The following PPP1R12A variants were observed in gnomAD, a reference collection of about 807,000 sequenced individuals.
PPP1R12A encodes the protein protein phosphatase 1 regulatory subunit 12A, also known as myosin binding subunit.
In PPP1R12A, 19 loss-of-function variants were observed where a neutral mutation model predicts 139.6. The observed-to-expected ratio is 0.14, with a 90% CI of 0.09 to 0.20. The LOEUF (loss-of-function observed/expected upper bound fraction) is 0.20. Ranked by LOEUF, PPP1R12A falls within the 10% of genes least tolerant of loss-of-function variation. The pLI, the probability that PPP1R12A is intolerant of heterozygous loss-of-function variation, is 1.00. For missense variants in PPP1R12A, 925 were observed against 1,211.5 expected (o/e 0.76, Z 3.51); for synonymous variants, 427 against 420.6 (o/e 1.02, Z -0.19).
At chr12:79,827,942 C>T (rs1306795659) in intron 5 of PPP1R12A, among the ~76,000 whole-genome samples, 1 of 152,112 alleles carries the variant, frequency 6.6e-6, no homozygotes, top group Non-Finnish European at 1.5e-5. Flanking sequence ...TAGAAACGCA[C>T]TTCTACGTGT....
intron 2 of PPP1R12A, among the ~76,000 whole-genome samples, chr12:79,851,012 G>C (rs912793315): frequency 6.6e-6 from 1 of 152,136 alleles, no homozygotes; most frequent in African/African-American, 2.4e-5. Context: ...CTTCATAGCA[G>C]TGCAAGATTG....
intron 9 of PPP1R12A, among the ~76,000 whole-genome samples, chr12:79,812,447 G>GT (rs1275215099): frequency 6.8e-6 from 1 of 146,330 alleles, no homozygotes; most frequent in African/African-American, 2.6e-5. Flanking sequence ...GGCTGTGTGT[G>GT]TTTGTGTGTG....
chr12:79,890,905 C>CACACA (rs1491145335), intron 1 of PPP1R12A, among the ~76,000 whole-genome samples: 5,124 of 115,734 alleles, frequency 0.044, 143 homozygotes, highest in Admixed American at 0.068. Flanking sequence ...CCACACCCAC[C>CACACA]CACACACACA....
At chr12:79,832,179 T>C (rs1202347324) in intron 4 of PPP1R12A, among the ~76,000 whole-genome samples, 153 bp downstream of exon 4, 1 of 152,188 alleles carries the variant, frequency 6.6e-6, no homozygotes, top group African/African-American at 2.4e-5. Flanking sequence ...AGCAATCATA[T>C]TCAAAGTAGT....
At position 79,909,947 on chromosome 12, in the gene PPP1R12A, G is replaced by A. The variant is rs548372580; in HGVS notation, c.237+24748C>T. On this transcript the variant is annotated intron_variant, in intron 1 of 24. Transcript: ENST00000450142. ...ACTCCTGACCTCCGGTGATCCGCCC[G>A]CCTTAGCCTCCCAAAGTGCTGGGAT... is the stretch of plus-strand genomic sequence containing the variant. Among the ~76,000 whole-genome samples the A allele has an allele frequency of 2.6e-4, 40 of 151,796 alleles. 1 individual carries two copies. Among genetic ancestry groups the A allele is most frequent in the African/African-American group, 9.4e-4 (39 of 41,424 alleles).
At chr12:79,888,932 C>A (rs977991695) in intron 1 of PPP1R12A, among the ~76,000 whole-genome samples, 2 of 152,116 alleles carry the variant, frequency 1.3e-5, no homozygotes, top group South Asian at 4.1e-4. Context: ...GGCACATATC[C>A]CTTGACAGTG....
chr12:79,825,337 C>G (rs572734728), intron 5 of PPP1R12A: 1 of 152,016 alleles, frequency 6.6e-6, no homozygotes, highest in East Asian at 1.9e-4. Flanking sequence ...AAATTCCAAC[C>G]AGAAAAGCAT....
At chr12:79,896,011 T>C (rs1885096126) in intron 1 of PPP1R12A, among the ~76,000 whole-genome samples, 1 of 150,874 alleles carries the variant, frequency 6.6e-6, no homozygotes, top group South Asian at 2.2e-4. Flanking sequence ...AATTTTTTTT[T>C]TTAAAAGAGG....
chr12:79,797,186 T>C lies in PPP1R12A; in HGVS notation c.2292+9A>G. ...ATTTGACTTAAATGTGCTTTTGATATACTGTTACCTCATCATACGTTCTGG... is the reference window on the plus strand; with the variant it reads ...ATTTGACTTAAATGTGCTTTTGATACACTGTTACCTCATCATACGTTCTGG... On this transcript the variant is annotated intron_variant, in intron 16 of 24. Transcript: ENST00000450142. The C allele has an allele frequency of 1.9e-6, 3 of 1,566,440 alleles. No homozygotes were observed. The highest frequency in any genetic ancestry group is 2.3e-4 in the Middle Eastern group (1 of 4,310).
intron 14 of PPP1R12A, among the ~76,000 whole-genome samples, chr12:79,804,768 T>C (rs1036214167): frequency 3.9e-5 from 6 of 152,054 alleles, no homozygotes; most frequent in Non-Finnish European, 7.4e-5. Context: ...CTAGGGACTA[T>C]GCATAATATA....
intron 5 of PPP1R12A, among the ~76,000 whole-genome samples, chr12:79,824,505 T>G (rs945566208): frequency 2.0e-5 from 3 of 152,154 alleles, no homozygotes; most frequent in African/African-American, 7.2e-5. Context: ...TTATTTTCAC[T>G]TTCTCCCTTG....
In PPP1R12A at chr12:79,894,136, A is replaced by G. The variant is rs1020376341; in HGVS notation, c.238-21198T>C. On this transcript the variant is annotated intron_variant, in intron 1 of 24. Coordinates refer to ENST00000450142, the MANE Select transcript of PPP1R12A (RefSeq NM_002480.3). ...CTTTATAGTGACATAACATAATGAG[A>G]CTGCTTTTAAGTTTCCTTTAAAAAA... is the stretch of plus-strand genomic sequence containing the variant. Among the ~76,000 whole-genome samples, 5 of 152,202 alleles carry G rather than the reference A, an allele frequency of 3.3e-5. No homozygotes were observed. The East Asian group carries it at 9.6e-4, about 29-fold the overall frequency.
In PPP1R12A at chr12:79,798,594, T is replaced by A. The variant is rs760127315; in HGVS notation, c.2001-10A>T. ...AGGAGTGAGGTATGATCTACAGTAG[T>A]AAATTGAAAAATCGTTAGTTGTAAA... is the stretch of plus-strand genomic sequence containing the variant. On this transcript the variant is annotated splice_polypyrimidine_tract_variant and intron_variant, in intron 14 of 24. Coordinates refer to ENST00000450142, the MANE Select transcript of PPP1R12A (RefSeq NM_002480.3). 1.3e-6 allele frequency: 2 copies of A among 1,492,192 alleles called. No homozygotes were observed. The highest frequency in any genetic ancestry group is 1.8e-6 in the Non-Finnish European group (2 of 1,099,326). 92.4% of individuals were successfully genotyped at this position (1,492,192 alleles called of 1,614,324 possible).
intron 23 of PPP1R12A, chr12:79,779,252 G>A: frequency 8.7e-7 from 1 of 1,143,778 alleles, no homozygotes; most frequent in Non-Finnish European, 1.2e-6. Flanking sequence ...TAAATGATAA[G>A]CATTCTGGGG....
chr12:79,832,197 T>C, intron 4 of PPP1R12A, 135 bp downstream of exon 4: 1 of 764,098 alleles, frequency 1.3e-6, no homozygotes, highest in Non-Finnish European at 1.9e-6. Context: ...AGTTTTTCTC[T>C]TTCTTCCTGA....
intron 2 of PPP1R12A, among the ~76,000 whole-genome samples, chr12:79,855,602 G>T (rs1880552552): frequency 1.3e-5 from 2 of 151,694 alleles, no homozygotes; most frequent in African/African-American, 4.8e-5. Flanking sequence ...CAGAAGAAAA[G>T]TAAAAGTTTT....
chr12:79,786,345 G>T, intron 22 of PPP1R12A, 29 bp downstream of exon 22: 1 of 1,339,568 alleles, frequency 7.5e-7, no homozygotes, highest in South Asian at 1.4e-5. Flanking sequence ...CCATTACCTT[G>T]AGAGTAACAA....
rs1329601714 is a variant in PPP1R12A at position 79,774,914 on chromosome 12, A to G, written c.*1015T>C. ...GAAAATAAAAGCACTTTACAGTAGG[A>G]AACTTTTGTAAAGATAGGGCTCCAC... is the stretch of plus-strand genomic sequence containing the variant. On this transcript the variant is annotated 3_prime_UTR_variant, in exon 25 of 25. Transcript: ENST00000450142. 1 of 147,794 alleles carries G rather than the reference A, an allele frequency of 6.8e-6. No individual in the cohort carries two copies. The highest frequency in any genetic ancestry group is 1.5e-5 in the Non-Finnish European group (1 of 67,934). 9.2% of individuals were successfully genotyped at this position (147,794 alleles called of 1,614,324 possible).
chr12:79,804,452 A>G (rs1565748233), intron 14 of PPP1R12A, among the ~76,000 whole-genome samples: 1 of 152,136 alleles, frequency 6.6e-6, no homozygotes, highest in East Asian at 1.9e-4. Context: ...AATATAGGCA[A>G]AAACTAAAGA....
Sources: gnomAD v4.1 joint callset for allele counts (sites outside exome capture counted in the v4.1 genomes callset) on GRCh38, gnomAD v4.1.1 for gene constraint, MANE v1.5 for transcripts, NCBI Gene and HGNC (gene_info 2026-07-23, HGNC 2026-07-21) for gene names.